Variants in ZGRF1 observed in about 807,000 individuals in gnomAD.
ZGRF1 encodes 5'-3' DNA helicase ZGRF1.
A neutral mutation model predicts 203.5 loss-of-function variants in ZGRF1; 196 were observed. The ratio of observed to expected loss-of-function variants is 0.96; its 90% CI spans 0.86 to 1.08. ZGRF1 has a LOEUF of 1.08. ZGRF1 is among the 50% of genes least tolerant of loss of function. The probability of loss-of-function intolerance (pLI) is 0.00; values close to 1 mark genes in which losing one functional copy is unlikely to be tolerated. For synonymous variants in ZGRF1, 809 were observed against 841.3 expected, an observed-to-expected ratio of 0.96 and a Z score of 0.66; for missense variants, 2,326 against 2,416.3, an observed-to-expected ratio of 0.96 and a Z score of 0.78.
In ZGRF1 at chr4:112,618,231, G is replaced by A. The variant is rs1344867810; in HGVS notation, c.1811C>T (p.Pro604Leu). Residue 604 changes from proline (P) to leucine (L), a missense_variant, in exon 6 of 28, where the codon CCT (proline) becomes CTT (leucine). By Grantham distance (98) the Pro-to-Leu change is moderately conservative. Transcript: ENST00000505019. Reference sequence around the variant, plus strand: ...CTGTGATGGCAGAGTCTCTTTAACAGGAAATGTCACTGTAGGTTTGTCACT... The same window carrying A: ...CTGTGATGGCAGAGTCTCTTTAACAAGAAATGTCACTGTAGGTTTGTCACT... The part of the protein sequence containing the change: ...SVSDKPTVTF[P>L]VKETLPSQFC... 4 of 1,613,884 alleles carry A rather than the reference G, an allele frequency of 2.5e-6. No individual in the cohort carries two copies. The East Asian group carries it at 8.9e-5, about 36-fold the overall frequency.
intron 4 of ZGRF1, among the ~76,000 whole-genome samples, chr4:112,621,283 T>C (rs1262246043): frequency 6.6e-6 from 1 of 152,122 alleles, no homozygotes; most frequent in East Asian, 1.9e-4. Context: ...TGCTTAATCA[T>C]ATTCCAAAAA....
intron 2 of ZGRF1, 53 bp downstream of exon 2, chr4:112,633,103 A>T (rs2047466229): frequency 2.0e-6 from 3 of 1,526,338 alleles, no homozygotes; most frequent in East Asian, 2.3e-5. Context: ...CCTTTAAAAG[A>T]AAGAGACAGA....
intron 22 of ZGRF1, among the ~76,000 whole-genome samples, chr4:112,549,375 T>C (rs1739454360): frequency 6.6e-6 from 1 of 152,238 alleles, no homozygotes; most frequent in Non-Finnish European, 1.5e-5. Flanking sequence ...TACATACACA[T>C]ATACACACGT....
At chr4:112,552,422 A>G (rs1740143490) in intron 22 of ZGRF1, among the ~76,000 whole-genome samples, 1 of 152,252 alleles carries the variant, frequency 6.6e-6, no homozygotes, top group Non-Finnish European at 1.5e-5. Flanking sequence ...GCAATAGATC[A>G]TAGTAACTGG....
Position 112,560,774 on chromosome 4 carries a change from T to C in ZGRF1, c.4919A>G (p.Lys1640Arg), listed in dbSNP as rs145814957. Residue 1640 changes from lysine to arginine, a missense_variant, in exon 19 of 28, where the codon AAG (lysine) becomes AGG (arginine). Lys to Arg is a conservative substitution (Grantham distance 26). Coordinates refer to ENST00000505019, the MANE Select transcript of ZGRF1 (RefSeq NM_018392.5). The stretch of plus-strand genomic sequence containing the variant: ...AGGGAAGGTATGAGTTTGCAGTTCC[T>C]TCACTTCTTCAATGCTTTCATGTGA... ...MASHESIEEVKELQTHTFPIT... is the reference protein window; with the variant it reads ...MASHESIEEVRELQTHTFPIT... 188 of 1,601,406 alleles carry C rather than the reference T, an allele frequency of 1.2e-4. 1 individual carries two copies. The East Asian group carries it at 4.0e-3, about 34-fold the overall frequency.
chr4:112,565,196 G>C, intron 16 of ZGRF1: 2 of 1,563,108 alleles, frequency 1.3e-6, no homozygotes, highest in Non-Finnish European at 1.8e-6. Flanking sequence ...CCCTTCCAGC[G>C]TCTGGTGCGA....
At chr4:112,546,738 T>C (rs2148828203) in intron 24 of ZGRF1, 1 of 152,344 alleles carries the variant, frequency 6.6e-6, no homozygotes, top group Non-Finnish European at 1.5e-5. Context: ...CATAAAAGGA[T>C]GAGTTTGGCC....
chr4:112,570,448 T>G (rs1299368571), intron 16 of ZGRF1, among the ~76,000 whole-genome samples: 2 of 151,310 alleles, frequency 1.3e-5, no homozygotes, highest in South Asian at 2.1e-4. Flanking sequence ...ATTTAGTGGG[T>G]GTGGTGGTGG....
chr4:112,605,996 C>T lies in ZGRF1; in HGVS notation c.2802+12G>A. 6.5e-7 allele frequency: 1 copy of T among 1,527,000 alleles called. No homozygotes were observed. The highest frequency in any genetic ancestry group is 9.0e-7 in the Non-Finnish European group (1 of 1,114,114). The allele number at this position is 1,527,000 out of a possible 1,614,324, so 94.6% of individuals were successfully genotyped here. A position where few individuals can be genotyped will look rare whatever the true frequency, so the allele number is the denominator to read the frequency against. ...GTTGGTTAAATAAATCGATGTTCTTCACAAATTTTACCTTAGGGTCACAGG... is the reference window on the plus strand; with the variant it reads ...GTTGGTTAAATAAATCGATGTTCTTTACAAATTTTACCTTAGGGTCACAGG... On this transcript the variant is annotated intron_variant, in intron 9 of 27. Transcript: ENST00000505019.
At chr4:112,609,720 C>T (rs188516157) in intron 7 of ZGRF1, among the ~76,000 whole-genome samples, 146 of 151,972 alleles carry the variant, frequency 9.6e-4, no homozygotes, top group Middle Eastern at 6.8e-3. Context: ...ATCACTTGAA[C>T]CCGGGAGGAG....
chr4:112,611,872 A>G (rs1320509957), intron 7 of ZGRF1, among the ~76,000 whole-genome samples: 1 of 152,232 alleles, frequency 6.6e-6, no homozygotes, highest in Non-Finnish European at 1.5e-5. Context: ...TCAACGTGTA[A>G]CAAGAAATAA....
At chr4:112,600,127 G>T (rs1482145154) in intron 10 of ZGRF1, among the ~76,000 whole-genome samples, 1 of 152,060 alleles carries the variant, frequency 6.6e-6, no homozygotes, top group African/African-American at 2.4e-5. Context: ...AATCTCCCAG[G>T]CTCAAGCAAT....
At position 112,539,864 on chromosome 4, in the gene ZGRF1, T is replaced by G. The variant is rs151025443; in HGVS notation, c.6171A>C (p.Glu2057Asp). 1 of 1,613,554 alleles carries G rather than the reference T, an allele frequency of 6.2e-7. No individual in the cohort carries two copies. The highest frequency in any genetic ancestry group is 8.5e-7 in the Non-Finnish European group (1 of 1,179,678). The change falls in exon 27 of 28, where the codon GAA (glutamate) becomes GAC (aspartate). Residue 2057 changes from glutamate to aspartate, a missense_variant and splice_region_variant. Glu to Asp is a conservative substitution (Grantham distance 45, BLOSUM62 2). Transcript: ENST00000505019. Reference protein sequence around the residue: ...QLWGRVIQHCEGREDGLQHAN... With the variant: ...QLWGRVIQHCDGREDGLQHAN... ...GAATTAAACCCATTTTTATTTTACC[T>G]TCGCAGTGTTGGATCACTCGTCCCC...
intron 16 of ZGRF1, among the ~76,000 whole-genome samples, chr4:112,568,490 C>T (rs565848977): frequency 6.8e-6 from 1 of 147,634 alleles, no homozygotes; most frequent in African/African-American, 2.5e-5. Context: ...GTGGGTGGAT[C>T]ACCTGAGGTC....
chr4:112,604,756 T>C (rs1226349924), intron 9 of ZGRF1, among the ~76,000 whole-genome samples: 1 of 152,236 alleles, frequency 6.6e-6, no homozygotes, highest in Non-Finnish European at 1.5e-5. Context: ...TCACTCAGTC[T>C]GTTTTCAGGC....
chr4:112,603,459 C>A, intron 10 of ZGRF1, 65 bp downstream of exon 10: 1 of 1,162,752 alleles, frequency 8.6e-7, no homozygotes, highest in Admixed American at 2.0e-5. Flanking sequence ...ATACTATTTT[C>A]ACAAAATGTA....
chr4:112,563,201 TC>T lies in ZGRF1; in HGVS notation c.4511del (p.Gly1504AspfsTer8). The stretch of plus-strand genomic sequence containing the variant: ...TTTCTATCTCATTGATAGATGATGG[TC>T]CAAAGAAAGCACTACATGCGATAAA... ...DTFIACSAFF[G>X]PSSINEIEIL... On this transcript the variant is annotated frameshift_variant, in exon 17 of 28. Transcript: ENST00000505019. LOFTEE classifies it high-confidence loss of function. The T allele has an allele frequency of 6.4e-7, 1 of 1,551,070 alleles. No individual in the cohort carries two copies. The highest frequency in any genetic ancestry group is 2.0e-5 in the Admixed American group (1 of 50,998).
chr4:112,632,050 A>G, intron 2 of ZGRF1, 40 bp from the exon 3 acceptor site: 1 of 1,001,358 alleles, frequency 1.0e-6, no homozygotes, highest in Non-Finnish European at 1.5e-6. Flanking sequence ...TTCCATTTAT[A>G]TATATTTAAT....
chr4:112,627,675 G>A (rs1167408020), intron 3 of ZGRF1, among the ~76,000 whole-genome samples: 1 of 152,208 alleles, frequency 6.6e-6, no homozygotes, highest in Non-Finnish European at 1.5e-5. Context: ...AGGAGGCAGA[G>A]GCTGTAGTGA....
Sources: allele counts gnomAD v4.1 joint callset (sites outside exome capture counted in the v4.1 genomes callset), GRCh38; gene constraint gnomAD v4.1.1; transcripts MANE v1.5; gene names NCBI Gene and HGNC (gene_info 2026-07-23, HGNC 2026-07-21).